GNAL: variants seen among roughly 807,000 people sequenced by gnomAD.
GNAL encodes the protein guanine nucleotide-binding protein G(olf) subunit alpha.
In GNAL, 18 loss-of-function variants were observed where a neutral mutation model predicts 55.1. The observed-to-expected ratio is 0.33, with a 90% CI of 0.23 to 0.48. GNAL has a LOEUF of 0.48. GNAL is among the 20% of genes least tolerant of loss of function. The pLI is 0.99. For synonymous variants in GNAL, 253 were observed against 237.0 expected (o/e 1.07, Z -0.62); for missense variants, 412 against 614.1 (o/e 0.67, Z 3.48).
At chr18:11,775,367 G>A (rs578034305) in intron 4 of GNAL, among the ~76,000 whole-genome samples, 1 of 152,340 alleles carries the variant, frequency 6.6e-6, no homozygotes, top group Non-Finnish European at 1.5e-5. Context: ...AGTTAGCTTT[G>A]TAGTACTTAC....
intron 1 of GNAL, among the ~76,000 whole-genome samples, chr18:11,750,499 T>C (rs1231954753): frequency 2.0e-5 from 3 of 151,904 alleles, no homozygotes; most frequent in Non-Finnish European, 4.4e-5. Context: ...CTCGGACCCC[T>C]GGGTGGAGGA....
At chr18:11,845,325 AT>A (rs2035707394) in intron 5 of GNAL, among the ~76,000 whole-genome samples, 1 of 152,078 alleles carries the variant, frequency 6.6e-6, no homozygotes, top group African/African-American at 2.4e-5. Flanking sequence ...TAGTAAAATC[AT>A]TTTCCATCCA....
At chr18:11,691,699 A>G (rs2031252746) in intron 1 of GNAL, among the ~76,000 whole-genome samples, 1 of 152,140 alleles carries the variant, frequency 6.6e-6, no homozygotes, top group Non-Finnish European at 1.5e-5. Flanking sequence ...TTTTCCCAGC[A>G]TCATTTATTA....
intron 1 of GNAL, among the ~76,000 whole-genome samples, chr18:11,712,840 C>T (rs9303743): frequency 0.2 from 30,261 of 152,080 alleles, 6,350 homozygotes; most frequent in African/African-American, 0.53. Context: ...CTGCCTTTCA[C>T]AGACTACATT....
At chr18:11,700,466 C>G (rs1212731256) in intron 1 of GNAL, among the ~76,000 whole-genome samples, 3 of 152,258 alleles carry the variant, frequency 2.0e-5, no homozygotes, top group Non-Finnish European at 4.4e-5. Flanking sequence ...CTAGCTCTGC[C>G]TCATCAGGAG....
intron 4 of GNAL, among the ~76,000 whole-genome samples, chr18:11,754,998 ATGTGTGTGTGTGTGTGTG>A (rs59291287): frequency 4.0e-5 from 6 of 149,048 alleles, no homozygotes; most frequent in South Asian, 2.1e-4. Flanking sequence ...GTGAGTGTGT[ATGTGTGTGTGTGTGTGTG>A]TGTGTGTGTG....
At position 11,714,382 on chromosome 18, in the gene GNAL, G is replaced by A. The variant is rs531549720; in HGVS notation, c.376+24443G>A. ...GAAGGAGGGAAGAAAAAAAGGGACA[G>A]TAGGTGCTGAGGTGAGTGGTCACAG... On this transcript the variant is annotated intron_variant, in intron 1 of 11. Transcript: ENST00000334049. Among the ~76,000 whole-genome samples, 8 of 152,344 alleles carry A rather than the reference G, an allele frequency of 5.3e-5. No homozygotes were observed. In the South Asian group the frequency reaches 1.4e-3, roughly 28 times the overall value.
intron 4 of GNAL, among the ~76,000 whole-genome samples, chr18:11,757,025 T>C (rs938708588): frequency 6.6e-6 from 1 of 152,222 alleles, no homozygotes; most frequent in African/African-American, 2.4e-5. Flanking sequence ...AAATTAATTT[T>C]AGGGTTCTTC....
Position 11,835,128 on chromosome 18 carries a change from T to C in GNAL, c.722+10113T>C, listed in dbSNP as rs955179922. On this transcript the variant is annotated intron_variant, in intron 5 of 11. Coordinates refer to ENST00000334049, the MANE Select transcript of GNAL (RefSeq NM_182978.4). The stretch of plus-strand genomic sequence containing the variant: ...TGCATTTTTCAAAACTCAGCAGATA[T>C]ACACTTAAGATTTCTGTTTCATTGG... Among the ~76,000 whole-genome samples the C allele has an allele frequency of 2.0e-5, 3 of 152,232 alleles. No homozygotes were observed. In the East Asian group the frequency reaches 5.8e-4, roughly 29 times the overall value.
intron 4 of GNAL, among the ~76,000 whole-genome samples, chr18:11,811,103 A>T (rs2034802744): frequency 6.6e-6 from 1 of 152,000 alleles, no homozygotes; most frequent in African/African-American, 2.4e-5. Context: ...CCCACCATTG[A>T]AATCCGGGCC....
intron 7 of GNAL, 77 bp from the exon 8 acceptor site, chr18:11,867,091 C>A: frequency 8.7e-7 from 1 of 1,144,748 alleles, no homozygotes; most frequent in Non-Finnish European, 1.3e-6. Flanking sequence ...CTGCTGATAG[C>A]AAAAGAGGAA....
At chr18:11,769,979 CTT>C (rs1321376757) in intron 4 of GNAL, among the ~76,000 whole-genome samples, 1 of 152,058 alleles carries the variant, frequency 6.6e-6, no homozygotes. Context: ...TGTAACATGA[CTT>C]TAATATTTTT....
intron 5 of GNAL, chr18:11,857,485 G>T (rs2036034637): frequency 1.0e-6 from 1 of 985,248 alleles, no homozygotes; most frequent in Non-Finnish European, 1.2e-6. Context: ...AGGGCTGGAG[G>T]CCACATTAAA....
chr18:11,822,115 G>A (rs1359118642), intron 4 of GNAL, among the ~76,000 whole-genome samples: 3 of 152,318 alleles, frequency 2.0e-5, no homozygotes, highest in African/African-American at 4.8e-5. Context: ...GGGCGGCTCC[G>A]GAGAGGCCCA....
chr18:11,877,889 T>G (rs1238929527), intron 11 of GNAL, among the ~76,000 whole-genome samples: 2 of 147,760 alleles, frequency 1.4e-5, no homozygotes, highest in Non-Finnish European at 3.0e-5. Flanking sequence ...TGCATGGCCG[T>G]AAGTGCATGG....
intron 1 of GNAL, among the ~76,000 whole-genome samples, chr18:11,697,312 C>T (rs569986248): frequency 2.6e-5 from 4 of 152,038 alleles, no homozygotes; most frequent in South Asian, 2.1e-4. Context: ...CTGAGGTGGG[C>T]AGGTCACCTG....
At position 11,881,188 on chromosome 18, in the gene GNAL, A is replaced by G. The variant is rs922915232; in HGVS notation, c.*53A>G. 41 of 1,528,614 alleles carry G rather than the reference A, an allele frequency of 2.7e-5. No individual in the cohort carries two copies. In the South Asian group the frequency reaches 3.1e-4, roughly 12 times the overall value. 94.7% of individuals were successfully genotyped at this position (1,528,614 alleles called of 1,614,324 possible). ...CGGCGCCCCGGACTGCCTGACTGCC[A>G]GCCCCATGCCATGGTAGGAGGCAGA... On this transcript the variant is annotated 3_prime_UTR_variant, in exon 12 of 12. Coordinates refer to ENST00000334049, the MANE Select transcript of GNAL (RefSeq NM_182978.4). This position sits in a 1 kb window ranked among gnomAD's most constrained non-coding sequence, Gnocchi z 4.8.
intron 1 of GNAL, among the ~76,000 whole-genome samples, chr18:11,735,645 G>A (rs1175869186): frequency 6.6e-6 from 1 of 151,864 alleles, no homozygotes; most frequent in African/African-American, 2.4e-5. Context: ...ACAGCTACTT[G>A]GGAGGCTGAG....
intron 1 of GNAL, among the ~76,000 whole-genome samples, chr18:11,691,854 C>T (rs995889143): frequency 1.3e-5 from 2 of 152,164 alleles, no homozygotes; most frequent in African/African-American, 2.4e-5. Flanking sequence ...GCAGTGTGCT[C>T]GCTGTGTAAC....
Sources: gnomAD v4.1 joint callset for allele counts (sites outside exome capture counted in the v4.1 genomes callset) on GRCh38, gnomAD v4.1.1 for gene constraint, Gnocchi (gnomAD v3.1) non-coding constraint, MANE v1.5 for transcripts, NCBI Gene and HGNC (gene_info 2026-07-23, HGNC 2026-07-21) for gene names.